The following SQSTM1 variants were observed in gnomAD, a reference collection of about 807,000 sequenced individuals.
The protein encoded by SQSTM1 is sequestosome-1.
A neutral mutation model predicts 45.1 loss-of-function variants in SQSTM1; 36 were observed. The observed-to-expected ratio is 0.80, with a 90% CI of 0.61 to 1.05. The LOEUF (loss-of-function observed/expected upper bound fraction) is 1.05. Ranked by LOEUF, SQSTM1 falls within the 50% of genes least tolerant of loss-of-function variation. The probability of loss-of-function intolerance (pLI) is 0.00; values close to 1 mark genes in which losing one functional copy is unlikely to be tolerated. For missense variants in SQSTM1, 617 were observed against 607.1 expected (o/e 1.02, Z -0.17); for synonymous variants, 290 against 244.3 (o/e 1.19, Z -1.74).
chr5:179,836,408 C>T (rs1052389844), intron 7 of SQSTM1, 28 bp from the exon 8 acceptor site: 1 of 1,614,174 alleles, frequency 6.2e-7, no homozygotes, highest in Non-Finnish European at 8.5e-7. Context: ...CAGCACCACT[C>T]CTCATGGCTT....
At chr5:179,815,168 G>A (rs759464881), upstream of SQSTM1, among the ~76,000 whole-genome samples, 1 of 152,152 alleles carries the variant, frequency 6.6e-6, no homozygotes, top group Non-Finnish European at 1.5e-5. Context: ...TGTAATCCCA[G>A]TACTTTGGGA....
Position 179,833,687 on chromosome 5 carries a change from A to G in SQSTM1, c.1070A>G (p.Gln357Arg). The G allele has an allele frequency of 6.2e-7, 1 of 1,614,194 alleles. No individual in the cohort carries two copies. The highest frequency in any genetic ancestry group is 1.7e-5 in the Admixed American group (1 of 60,026). ...DPSTGELQSL[Q>R]MPESEGPSSL... ...TCTACAGGTGAACTCCAGTCCCTAC[A>G]GATGCCAGAATCCGAAGGGCCAAGC... Residue 357 changes from glutamine (Q) to arginine (R), a missense_variant, in exon 7 of 8, where the codon CAG (glutamine) becomes CGG (arginine). Physicochemically the swap from Gln to Arg is conservative, Grantham distance 43. Transcript: ENST00000389805.
chr5:179,833,219 C>A lies in SQSTM1; in HGVS notation c.942C>A (p.Ile314=). The A allele has an allele frequency of 6.2e-7, 1 of 1,604,358 alleles. No individual in the cohort carries two copies. Among genetic ancestry groups the A allele is most frequent in the Non-Finnish European group, 8.5e-7 (1 of 1,176,378 alleles). The change falls in exon 6 of 8, where the codon ATC becomes ATA. Residue 314 remains isoleucine (I), a synonymous_variant. Transcript: ENST00000389805. The part of the protein sequence containing the change: ...TQSLAEQMRK[I]ALESEGRPEE... ...CTCTGGCGGAGCAGATGAGGAAGAT[C>A]GCCTTGGAGTCCGAGGGGCGCCCTG...
chr5:179,809,068 A>T (rs992351473), intron 1 of SQSTM1, among the ~76,000 whole-genome samples: 7 of 148,970 alleles, frequency 4.7e-5, no homozygotes, highest in African/African-American at 1.7e-4. Flanking sequence ...CGTGTTAGCC[A>T]GGATGGTCTC....
At chr5:179,826,133 G>C (rs1036821415) in intron 5 of SQSTM1, among the ~76,000 whole-genome samples, 1 of 152,028 alleles carries the variant, frequency 6.6e-6, no homozygotes, top group Non-Finnish European at 1.5e-5. Flanking sequence ...GCTACAGGGC[G>C]TGACTGCCAT....
chr5:179,811,226 C>G (rs1044682096), intron 1 of SQSTM1, among the ~76,000 whole-genome samples: 4 of 151,300 alleles, frequency 2.6e-5, no homozygotes, highest in Admixed American at 1.3e-4. Context: ...GAGCGAGACT[C>G]CGTCTCAAAA....
chr5:179,811,800 T>TTA (rs1757413700), intron 2 of SQSTM1: 1 of 152,166 alleles, frequency 6.6e-6, no homozygotes, highest in Non-Finnish European at 1.5e-5. Context: ...CTCCGTGGCC[T>TTA]TTTCCTTACT....
rs139482113 is a variant in SQSTM1 at position 179,833,201 on chromosome 5, G to A, written c.924G>A (p.Ala308=). 886 of 1,612,096 alleles carry A rather than the reference G, an allele frequency of 5.5e-4. 1 individual carries two copies. The highest frequency in any genetic ancestry group is 1.8e-3 in the Middle Eastern group (11 of 6,036). Residue 308 remains alanine (A), a synonymous_variant, in exon 6 of 8, where the codon GCG becomes GCA. Transcript: ENST00000389805. ...TTGAGGGCGCCACGCAGTCTCTGGC[G>A]GAGCAGATGAGGAAGATCGCCTTGG... is the stretch of plus-strand genomic sequence containing the variant. The part of the protein sequence containing the change: ...GNVEGATQSL[A]EQMRKIALES...
At chr5:179,821,618 T>A (rs927915816) in intron 1 of SQSTM1, 1 of 435,466 alleles carries the variant, frequency 2.3e-6, no homozygotes, top group Non-Finnish European at 4.6e-6. Flanking sequence ...GTGACGCGGG[T>A]AAACAAGCGC....
Position 179,828,210 on chromosome 5 carries a change from C to T in SQSTM1, c.754+2984C>T, listed in dbSNP as rs144700075. Among the ~76,000 whole-genome samples, 1,353 of 152,272 alleles carry T rather than the reference C, an allele frequency of 8.9e-3. 4 individuals carry two copies. Among genetic ancestry groups the T allele is most frequent in the Non-Finnish European group, 0.014 (980 of 68,014 alleles). ...CTTACGACAAGGCCTGAAAATCTCACGCTTTCATCACCAAGTTGGAGAGAT... is the reference window on the plus strand; with the variant it reads ...CTTACGACAAGGCCTGAAAATCTCATGCTTTCATCACCAAGTTGGAGAGAT... On this transcript the variant is annotated intron_variant, in intron 5 of 7. Coordinates refer to ENST00000389805, the MANE Select transcript of SQSTM1 (RefSeq NM_003900.5).
Position 179,823,959 on chromosome 5 carries a change from G to A in SQSTM1, c.403G>A (p.Val135Met). The A allele has an allele frequency of 6.2e-7, 1 of 1,614,080 alleles. No homozygotes were observed. The highest frequency in any genetic ancestry group is 1.1e-5 in the South Asian group (1 of 91,088). Residue 135 changes from valine to methionine, a missense_variant, in exon 3 of 8, where the codon GTG becomes ATG. Val to Met is a conservative substitution (Grantham distance 21). Transcript: ENST00000389805. Reference protein sequence around the residue: ...NVICDGCNGPVVGTRYKCSVC... With the variant: ...NVICDGCNGPMVGTRYKCSVC... ...GATCTGCGATGGCTGCAATGGGCCT[G>A]TGGTAGGAACCCGCTACAAGTGCAG...
chr5:179,827,276 A>C (rs1026198601), intron 5 of SQSTM1, among the ~76,000 whole-genome samples: 7 of 152,186 alleles, frequency 4.6e-5, no homozygotes, highest in Admixed American at 4.6e-4. Context: ...CACTTGGCAC[A>C]GACAGGAATA....
intron 1 of SQSTM1, among the ~76,000 whole-genome samples, chr5:179,810,339 A>G (rs537840667): frequency 2.6e-4 from 39 of 152,118 alleles, no homozygotes; most frequent in African/African-American, 7.7e-4. Context: ...TCATTGTTCA[A>G]TTCCCACCTA....
intron 1 of SQSTM1, among the ~76,000 whole-genome samples, chr5:179,809,749 T>C (rs1757338941): frequency 6.7e-6 from 1 of 150,234 alleles, no homozygotes; most frequent in Non-Finnish European, 1.5e-5. Context: ...GTTCAAGCGA[T>C]TCTCCTGCCT....
At position 179,808,606 on chromosome 5, in the gene SQSTM1, A is replaced by G. The variant is rs575723188; in HGVS notation, c.-157+2015A>G. Among the ~76,000 whole-genome samples the G allele has an allele frequency of 1.5e-3, 225 of 151,608 alleles. 1 individual carries two copies. The Middle Eastern group carries it at 0.017, about 11-fold the overall frequency. ...GCCGAGGCAGGCGAATCACGAGGTC[A>G]GGAGATCGAGACCATCCTGGCTAAC... On this transcript the variant is annotated intron_variant, in intron 1 of 5. Coordinates refer to the SQSTM1 transcript ENST00000514093.
intron 5 of SQSTM1, among the ~76,000 whole-genome samples, chr5:179,832,463 G>A (rs190322455): frequency 2.6e-5 from 4 of 152,336 alleles, no homozygotes; most frequent in Admixed American, 6.5e-5. Flanking sequence ...GAGCTCCGGC[G>A]TTGAGGTGTG....
chr5:179,826,902 T>C (rs1465322535), intron 5 of SQSTM1, among the ~76,000 whole-genome samples: 12 of 152,114 alleles, frequency 7.9e-5, no homozygotes, highest in Non-Finnish European at 7.4e-5. Context: ...TTCTTAATGC[T>C]TTCCAAGGAG....
Position 179,837,349 on chromosome 5 carries a change from T to A in SQSTM1, c.*756T>A. ...AAGTGCCTTAGGGGAACCCTGTCCC[T>A]CCTAACAAGTGTATCTCGATTAATA... On this transcript the variant is annotated 3_prime_UTR_variant, in exon 8 of 8. Transcript: ENST00000389805. The A allele has an allele frequency of 6.3e-7, 1 of 1,582,302 alleles. No homozygotes were observed. Among genetic ancestry groups the A allele is most frequent in the Non-Finnish European group, 8.6e-7 (1 of 1,164,000 alleles).
rs886060506 is a variant in SQSTM1 at position 179,836,881 on chromosome 5, C to T, written c.*288C>T. 43 of 612,074 alleles carry T rather than the reference C, an allele frequency of 7.0e-5. No individual in the cohort carries two copies. The highest frequency in any genetic ancestry group is 3.1e-4 in the South Asian group (16 of 50,890). 37.9% of individuals were successfully genotyped at this position (612,074 alleles called of 1,614,324 possible). A position where few individuals can be genotyped will look rare whatever the true frequency, so the allele number is the denominator to read the frequency against. On this transcript the variant is annotated 3_prime_UTR_variant, in exon 8 of 8. Coordinates refer to ENST00000389805, the MANE Select transcript of SQSTM1 (RefSeq NM_003900.5). ...TCCTGACCCCTCCCTGCAGGGGCTA[C>T]GTTAGCAGCCCAGCACATAGCTTGC...
Sources: gnomAD v4.1 joint callset for allele counts (sites outside exome capture counted in the v4.1 genomes callset) on GRCh38, gnomAD v4.1.1 for gene constraint, MANE v1.5 for transcripts, NCBI Gene and HGNC (gene_info 2026-07-23, HGNC 2026-07-21) for gene names.